Variants in TNPO1 observed in about 807,000 individuals in gnomAD.
The protein encoded by TNPO1 is transportin 1, also known as transportin-1.
In TNPO1, 8 loss-of-function variants were observed where a neutral mutation model predicts 119.5. The ratio of observed to expected loss-of-function variants is 0.07; its 90% CI spans 0.04 to 0.12. The LOEUF is 0.12. Ranked by LOEUF, TNPO1 falls within the 10% of genes least tolerant of loss-of-function variation. TNPO1 has a pLI of 1.00. For missense variants in TNPO1, 576 were observed against 1,089.8 expected, an observed-to-expected ratio of 0.53 and a Z score of 6.64; for synonymous variants, 362 against 363.0, an observed-to-expected ratio of 1.00 and a Z score of 0.03.
chr5:72,872,627 CT>C lies in TNPO1; in HGVS notation c.597-9del, dbSNP rs942805449. 7 of 1,591,746 alleles carry C rather than the reference CT, an allele frequency of 4.4e-6. No homozygotes were observed. The South Asian group carries it at 4.7e-5, about 11-fold the overall frequency. On this transcript the variant is annotated splice_polypyrimidine_tract_variant and intron_variant, in intron 6 of 24. Coordinates refer to ENST00000337273, the MANE Select transcript of TNPO1 (RefSeq NM_002270.4). ...CAATGAGCATATGTTAAATTTTAAA[CT>C]TTGTTTCTAGGTCTCACGCTGTTGC...
intron 9 of TNPO1, among the ~76,000 whole-genome samples, chr5:72,880,784 C>T (rs1020859715): frequency 2.1e-5 from 3 of 140,670 alleles, no homozygotes; most frequent in African/African-American, 7.8e-5. Context: ...CCATTGCACT[C>T]CAGCCTGGGT....
intron 1 of TNPO1, among the ~76,000 whole-genome samples, chr5:72,827,555 G>A (rs764341216): frequency 6.6e-6 from 1 of 152,046 alleles, no homozygotes; most frequent in Non-Finnish European, 1.5e-5. Flanking sequence ...CTGATGGTTA[G>A]GATTTGGGAT....
Position 72,887,141 on chromosome 5 carries a change from C to G in TNPO1, c.1222C>G (p.Pro408Ala), listed in dbSNP as rs140476981. The G allele has an allele frequency of 3.4e-5, 55 of 1,613,630 alleles. No homozygotes were observed. The highest frequency in any genetic ancestry group is 1.6e-4 in the Middle Eastern group (1 of 6,082). ...YRDELLPHILPLLKELLFHHE... is the reference protein window; with the variant it reads ...YRDELLPHILALLKELLFHHE... ...TGATGAACTGCTGCCACATATTTTG[C>G]CCCTTTTGAAAGAATTACTTTTTCA... Residue 408 changes from proline to alanine, a missense_variant, in exon 12 of 25, where the codon CCC (proline) becomes GCC (alanine). Transcript: ENST00000337273.
chr5:72,882,466 G>C lies in TNPO1; in HGVS notation c.921-1G>C. ...TGTTTCATGAATTTCTTTCTTTATA[G>C]GTTGATTCCTGTGTTAGTGAATGGC... On this transcript the variant is annotated splice_acceptor_variant, in intron 9 of 24. Transcript: ENST00000337273. LOFTEE classifies it high-confidence loss of function. 6.2e-7 allele frequency: 1 copy of C among 1,605,332 alleles called. No individual in the cohort carries two copies. Among genetic ancestry groups the C allele is most frequent in the Non-Finnish European group, 8.5e-7 (1 of 1,175,318 alleles).
chr5:72,904,442 T>A (rs1749995099), intron 23 of TNPO1, among the ~76,000 whole-genome samples: 1 of 152,196 alleles, frequency 6.6e-6, no homozygotes, highest in African/African-American at 2.4e-5. Context: ...TTTAAGCATA[T>A]GCTATGAGGT....
intron 2 of TNPO1, among the ~76,000 whole-genome samples, chr5:72,849,308 C>G (rs1296476380): frequency 6.6e-6 from 1 of 152,140 alleles, no homozygotes; most frequent in Non-Finnish European, 1.5e-5. Context: ...TGCCCTAAAC[C>G]GTGCTCAAAT....
chr5:72,914,081 C>T lies in TNPO1; in HGVS notation c.*5408C>T, dbSNP rs1159883073. 4 of 152,564 alleles carry T rather than the reference C, an allele frequency of 2.6e-5. No individual in the cohort carries two copies. The highest frequency in any genetic ancestry group is 2.0e-4 in the Admixed American group (3 of 15,282). The allele number at this position is 152,564 out of a possible 1,614,324, so 9.5% of individuals were successfully genotyped here. A position where few individuals can be genotyped will look rare whatever the true frequency, so the allele number is the denominator to read the frequency against. ...AGCTTTAAATCTGATGTTTCCTGTA[C>T]CTGCCACACTATGTTAGAATGTGTC... On this transcript the variant is annotated 3_prime_UTR_variant, in exon 25 of 25. Transcript: ENST00000337273.
intron 18 of TNPO1, among the ~76,000 whole-genome samples, chr5:72,894,429 T>C (rs1030837528): frequency 6.6e-6 from 1 of 152,226 alleles, no homozygotes; most frequent in Admixed American, 6.5e-5. Context: ...GCCAGCACTT[T>C]GGAAGGCCAA....
In TNPO1 at chr5:72,851,411, G is replaced by A. The variant is rs1435414178; in HGVS notation, c.205+92G>A. 3 of 766,924 alleles carry A rather than the reference G, an allele frequency of 3.9e-6. No homozygotes were observed. The South Asian group carries it at 5.0e-5, about 13-fold the overall frequency. 47.5% of individuals were successfully genotyped at this position (766,924 alleles called of 1,614,324 possible). A position where few individuals can be genotyped will look rare whatever the true frequency, so the allele number is the denominator to read the frequency against. ...TATTCATTTCAAAGGATTTCATTTT[G>A]TAGTAACCTTGTGCTTTATAGATGT... On this transcript the variant is annotated intron_variant, in intron 3 of 24. Coordinates refer to ENST00000337273, the MANE Select transcript of TNPO1 (RefSeq NM_002270.4).
chr5:72,846,057 A>G (rs1331681241), intron 1 of TNPO1, among the ~76,000 whole-genome samples: 1 of 152,210 alleles, frequency 6.6e-6, no homozygotes, highest in African/African-American at 2.4e-5. Context: ...GTGCTGGTGG[A>G]GATAAAGGAA....
At chr5:72,896,247 G>A (rs1233810177) in intron 18 of TNPO1, among the ~76,000 whole-genome samples, 1 of 152,000 alleles carries the variant, frequency 6.6e-6, no homozygotes, top group African/African-American at 2.4e-5. Flanking sequence ...AGTTTCTTAA[G>A]ATAAACATTA....
Position 72,897,079 on chromosome 5 carries a change from C to G in TNPO1, c.2266C>G (p.Pro756Ala), listed in dbSNP as rs369467110. ...QMGIEMQPYI[P>A]MVLHQLVEII... is the part of the protein sequence containing the mutation. ...AGGTATAGAGATGCAGCCTTATATT[C>G]CTATGGTGTTGCACCAGCTTGTAGA... The change falls in exon 20 of 25, where the codon CCT becomes GCT. Residue 756 changes from proline to alanine, a missense_variant. By Grantham distance (27) the Pro-to-Ala change is conservative. Around this residue, in one of 6 missense-constraint regions of TNPO1, gnomAD observed 162 missense variants for 294.1 expected, o/e 0.55. Coordinates refer to ENST00000337273, the MANE Select transcript of TNPO1 (RefSeq NM_002270.4). 2.9e-5 allele frequency: 47 copies of G among 1,608,202 alleles called. No homozygotes were observed. In the South Asian group the frequency reaches 3.7e-4, roughly 13 times the overall value.
Position 72,893,434 on chromosome 5 carries a change from G to C in TNPO1, c.1954G>C (p.Ala652Pro). The C allele has an allele frequency of 6.2e-7, 1 of 1,614,142 alleles. No homozygotes were observed. Among genetic ancestry groups the C allele is most frequent in the Non-Finnish European group, 8.5e-7 (1 of 1,180,032 alleles). Reference protein sequence around the residue: ...EAPDKDFMIVALDLLSGLAEG... With the variant: ...EAPDKDFMIVPLDLLSGLAEG... ...TCCAGATAAAGATTTTATGATAGTG[G>C]CTCTTGATTTACTGAGTGGCCTGGC... Residue 652 changes from alanine (A) to proline (P), a missense_variant, in exon 17 of 25, where the codon GCT becomes CCT. Coordinates refer to ENST00000337273, the MANE Select transcript of TNPO1 (RefSeq NM_002270.4).
intron 1 of TNPO1, among the ~76,000 whole-genome samples, chr5:72,819,937 T>C (rs919272099): frequency 1.3e-5 from 2 of 152,234 alleles, no homozygotes; most frequent in African/African-American, 4.8e-5. Flanking sequence ...TTATCATCAA[T>C]GTCATTATCA....
intron 19 of TNPO1, 28 bp downstream of exon 19, chr5:72,896,584 A>G: frequency 1.9e-6 from 3 of 1,589,988 alleles, no homozygotes; most frequent in Non-Finnish European, 2.6e-6. Context: ...ATTTAAAAGC[A>G]TAAGGCCTGG....
chr5:72,893,113 T>C lies in TNPO1; in HGVS notation c.1789-26T>C. On this transcript the variant is annotated intron_variant, in intron 15 of 24. Coordinates refer to ENST00000337273, the MANE Select transcript of TNPO1 (RefSeq NM_002270.4). ...TAATCTTCAGTATACCCAGAAAGTTTAGCATGTGTACTTTATTCTTCCTAG... is the reference window on the plus strand; with the variant it reads ...TAATCTTCAGTATACCCAGAAAGTTCAGCATGTGTACTTTATTCTTCCTAG... 3.8e-6 allele frequency: 6 copies of C among 1,566,940 alleles called. No individual in the cohort carries two copies. The South Asian group carries it at 5.7e-5, about 15-fold the overall frequency.
chr5:72,907,202 A>G (rs989820987), intron 24 of TNPO1, among the ~76,000 whole-genome samples: 4 of 152,164 alleles, frequency 2.6e-5, no homozygotes, highest in African/African-American at 9.7e-5. Context: ...TGCTGGATTC[A>G]CCTTATGTTA....
intron 1 of TNPO1, among the ~76,000 whole-genome samples, chr5:72,829,142 A>AT (rs1744335852): frequency 1.3e-5 from 2 of 152,212 alleles, no homozygotes; most frequent in African/African-American, 2.4e-5. Context: ...TCAAACCTTT[A>AT]TTAGAAAATA....
At chr5:72,876,356 T>C (rs1352944587) in intron 8 of TNPO1, among the ~76,000 whole-genome samples, 1 of 152,240 alleles carries the variant, frequency 6.6e-6, no homozygotes, top group African/African-American at 2.4e-5. Flanking sequence ...AGTCTATTAG[T>C]TGGCACTTCT....
Sources: allele counts gnomAD v4.1 joint callset (sites outside exome capture counted in the v4.1 genomes callset), GRCh38; gene constraint gnomAD v4.1.1; regional missense constraint gnomAD v4.1.1; transcripts MANE v1.5; gene names NCBI Gene and HGNC (gene_info 2026-07-23, HGNC 2026-07-21).